The following ADARB2 variants were observed in gnomAD, a reference collection of about 807,000 sequenced individuals.
The protein encoded by ADARB2 is adenosine deaminase RNA specific B2 (inactive).
A neutral mutation model predicts 62.2 loss-of-function variants in ADARB2; 25 were observed. That is an observed-to-expected ratio of 0.40 (90% CI 0.29 to 0.56). The LOEUF is 0.56. Among genes scored for constraint, ADARB2 ranks in the 20% least tolerant of loss-of-function variants. The pLI is 0.43. For synonymous variants in ADARB2, 572 were observed against 500.8 expected, an observed-to-expected ratio of 1.14 and a Z score of -1.90; for missense variants, 1,071 against 1,077.4, an observed-to-expected ratio of 0.99 and a Z score of 0.08.
At chr10:1,651,971 TAAATAA>T (rs560533870) in intron 1 of ADARB2, among the ~76,000 whole-genome samples, 139 of 152,250 alleles carry the variant, frequency 9.1e-4, no homozygotes, top group Non-Finnish European at 1.7e-3. Flanking sequence ...AACGACACTA[TAAATAA>T]AATGGTTTTC....
At chr10:1,692,380 C>T (rs60346236) in intron 1 of ADARB2, among the ~76,000 whole-genome samples, 1,630 of 152,260 alleles carry the variant, frequency 0.011, 12 homozygotes, top group Non-Finnish European at 0.012. Flanking sequence ...GCTGGGGAGG[C>T]CGTCACCGGG....
At chr10:1,697,249 G>A (rs1355160697) in intron 1 of ADARB2, among the ~76,000 whole-genome samples, 1 of 152,168 alleles carries the variant, frequency 6.6e-6, no homozygotes, top group Non-Finnish European at 1.5e-5. Context: ...AAGAGGGTCA[G>A]CCTCTCTTCC....
intron 1 of ADARB2, among the ~76,000 whole-genome samples, chr10:1,522,361 G>C (rs1208039970): frequency 6.6e-6 from 1 of 152,184 alleles, no homozygotes; most frequent in African/African-American, 2.4e-5. Context: ...CCTCTAAGAG[G>C]GGGAGGTGGA....
chr10:1,690,612 G>A (rs754329506), intron 1 of ADARB2, among the ~76,000 whole-genome samples: 5 of 152,066 alleles, frequency 3.3e-5, no homozygotes, highest in African/African-American at 7.2e-5. Flanking sequence ...CAGATAGGAG[G>A]GAAAGGAAGG....
intron 2 of ADARB2, among the ~76,000 whole-genome samples, chr10:1,373,325 C>T (rs1475523728): frequency 1.3e-5 from 2 of 151,982 alleles, no homozygotes; most frequent in East Asian, 1.9e-4. Flanking sequence ...CACACACACA[C>T]ACCCACCCAC....
chr10:1,533,579 A>T (rs1253315389), intron 1 of ADARB2, among the ~76,000 whole-genome samples: 1 of 152,184 alleles, frequency 6.6e-6, no homozygotes, highest in African/African-American at 2.4e-5. Context: ...TGACTCTGCG[A>T]TGCCTCCCAA....
chr10:1,734,448 C>T (rs141887902), intron 1 of ADARB2, among the ~76,000 whole-genome samples: 7 of 152,084 alleles, frequency 4.6e-5, no homozygotes, highest in African/African-American at 9.6e-5. Flanking sequence ...GTGGTAGCCC[C>T]GGCATGCTTT....
At chr10:1,185,287 G>A (rs894883094) in intron 8 of ADARB2, among the ~76,000 whole-genome samples, 2 of 152,218 alleles carry the variant, frequency 1.3e-5, no homozygotes, top group African/African-American at 4.8e-5. Flanking sequence ...GATTTTAATA[G>A]TCTGGTGATA....
chr10:1,493,977 A>G (rs1056656002), intron 1 of ADARB2, among the ~76,000 whole-genome samples: 30 of 151,678 alleles, frequency 2.0e-4, no homozygotes, highest in African/African-American at 6.3e-4. Flanking sequence ...GCTGGTCTTC[A>G]ACTCCTGACC....
At position 1,608,881 on chromosome 10, in the gene ADARB2, G is replaced by A. The variant is rs563519251; in HGVS notation, c.100+128170C>T. 6.6e-5 allele frequency among the ~76,000 whole-genome samples: 10 copies of A among 152,182 alleles called. No homozygotes were observed. The East Asian group carries it at 1.2e-3, about 18-fold the overall frequency. ...GGGGGTAGGGACAGCATTTCCCTCC[G>A]CATTGCCGGCCCTCTGTCTTGAGCC... On this transcript the variant is annotated intron_variant, in intron 1 of 9. Transcript: ENST00000381312.
chr10:1,676,263 TTC>T (rs377023085), intron 1 of ADARB2, among the ~76,000 whole-genome samples: 73 of 152,258 alleles, frequency 4.8e-4, no homozygotes, highest in African/African-American at 1.7e-3. Context: ...GTCCAAAACT[TTC>T]TGTGAGTGCA....
chr10:1,715,832 C>T (rs1284865507), intron 1 of ADARB2, among the ~76,000 whole-genome samples: 3 of 152,246 alleles, frequency 2.0e-5, no homozygotes, highest in African/African-American at 4.8e-5. Flanking sequence ...CCTCCAACAC[C>T]GCTGCTCACC....
At chr10:1,480,912 A>G (rs1051282968) in intron 1 of ADARB2, among the ~76,000 whole-genome samples, 7 of 152,214 alleles carry the variant, frequency 4.6e-5, no homozygotes, top group Admixed American at 4.6e-4. Flanking sequence ...CACAGATTCA[A>G]TGTAATCTCT....
chr10:1,242,358 C>T lies in ADARB2; in HGVS notation c.1193-59G>A, dbSNP rs573260320. 100 of 1,489,728 alleles carry T rather than the reference C, an allele frequency of 6.7e-5. No individual in the cohort carries two copies. In the African/African-American group the frequency reaches 8.7e-4, roughly 13 times the overall value. 92.3% of individuals were successfully genotyped at this position (1,489,728 alleles called of 1,614,324 possible). ...CCACGGCCCCCGTCTCCCTCCTCCT[C>T]GGTCTTTTCAGGGTCTCACAACAGC... On this transcript the variant is annotated intron_variant, in intron 4 of 9. Transcript: ENST00000381312.
chr10:1,244,708 G>A lies in ADARB2; in HGVS notation c.1193-2409C>T, dbSNP rs1217193735. 2.6e-5 allele frequency among the ~76,000 whole-genome samples: 4 copies of A among 152,272 alleles called. No individual in the cohort carries two copies. The East Asian group carries it at 5.8e-4, about 22-fold the overall frequency. ...TGAGATGTCGTATGAGAAATGTCGC[G>A]GAAGTGCTGTACATGGAATGTCACC... is the stretch of plus-strand genomic sequence containing the variant. On this transcript the variant is annotated intron_variant, in intron 4 of 9. Coordinates refer to ENST00000381312, the MANE Select transcript of ADARB2 (RefSeq NM_018702.4).
chr10:1,373,247 C>T (rs1386244100), intron 2 of ADARB2, among the ~76,000 whole-genome samples: 1 of 152,114 alleles, frequency 6.6e-6, no homozygotes, highest in African/African-American at 2.4e-5. Flanking sequence ...CTCTCTCTGT[C>T]TCTGTGTCTC....
chr10:1,293,052 A>AGGGAGGGAAAGGGGG (rs1831485041), intron 3 of ADARB2: 1 of 74,078 alleles, frequency 1.3e-5, no homozygotes, highest in African/African-American at 6.9e-5. Context: ...ATGCAGAGGG[A>AGGGAGGGAAAGGGGG]GGGAGGGAAA....
At chr10:1,230,100 T>TCC (rs1564228420) in intron 6 of ADARB2, among the ~76,000 whole-genome samples, 8 of 150,220 alleles carry the variant, frequency 5.3e-5, no homozygotes, top group African/African-American at 2.0e-4. Context: ...GTGCAGAGTC[T>TCC]CCTTCGGTTT....
At chr10:1,628,981 G>T (rs1833807629) in intron 1 of ADARB2, among the ~76,000 whole-genome samples, 1 of 152,234 alleles carries the variant, frequency 6.6e-6, no homozygotes, top group East Asian at 1.9e-4. Context: ...ACAGCTGGCC[G>T]GGTTTCATTT....
Sources: allele counts gnomAD v4.1 joint callset (sites outside exome capture counted in the v4.1 genomes callset), GRCh38; gene constraint gnomAD v4.1.1; transcripts MANE v1.5; gene names NCBI Gene and HGNC (gene_info 2026-07-23, HGNC 2026-07-21).